The following AFTPH variants were observed in gnomAD, a reference collection of about 807,000 sequenced individuals.
AFTPH encodes the protein aftiphilin.
Under a neutral mutation model 72.5 loss-of-function variants are expected in AFTPH, and 7 were observed. The observed-to-expected ratio is 0.10, with a 90% confidence interval of 0.05 to 0.18. The LOEUF is 0.18. Among genes scored for constraint, AFTPH ranks in the 10% least tolerant of loss-of-function variants. The probability of loss-of-function intolerance (pLI) is 1.00; values close to 1 mark genes in which losing one functional copy is unlikely to be tolerated. For synonymous variants in AFTPH, 337 were observed against 370.1 expected, an observed-to-expected ratio of 0.91 and a Z score of 1.03; for missense variants, 979 against 1,060.5, an observed-to-expected ratio of 0.92 and a Z score of 1.07.
Position 64,583,412 on chromosome 2 carries a change from GT to G in AFTPH, c.2456-2006del, listed in dbSNP as rs531379604. On this transcript the variant is annotated intron_variant, in intron 7 of 8. Transcript: ENST00000238856. ...AAATCTAATCATAGTTTTGGGGGGGGTTTTGGTGTGGTGGTAGTTATTTGGG... is the reference window on the plus strand; with the variant it reads ...AAATCTAATCATAGTTTTGGGGGGGGTTTGGTGTGGTGGTAGTTATTTGGG... Among the ~76,000 whole-genome samples, 449 of 143,182 alleles carry G rather than the reference GT, an allele frequency of 3.1e-3. 1 individual carries two copies. The highest frequency in any genetic ancestry group is 5.3e-3 in the Non-Finnish European group (348 of 66,082). The allele number at this position is 143,182 out of a possible 152,430, so 93.9% of individuals were successfully genotyped here.
exon 2 of AFTPH, chr2:64,553,330 A>G: frequency 6.2e-7 from 1 of 1,613,904 alleles, no homozygotes; most frequent in Non-Finnish European, 8.5e-7. Context: ...GGAACCCCCA[A>G]AACGCACAGT....
At chr2:64,529,708 C>G (rs1341450302) in intron 1 of AFTPH, among the ~76,000 whole-genome samples, 1 of 151,256 alleles carries the variant, frequency 6.6e-6, no homozygotes, top group African/African-American at 2.4e-5. Context: ...TGGCTCACTG[C>G]AGCACAGACC....
chr2:64,548,347 T>C (rs1369404961), intron 1 of AFTPH, among the ~76,000 whole-genome samples: 1 of 131,178 alleles, frequency 7.6e-6, no homozygotes, highest in Non-Finnish European at 1.6e-5. Context: ...GAGCCGAGAT[T>C]GCGCCACTGC....
chr2:64,545,570 TAAAAAAAAAAAAAAAAAAAAAAAAAAAAA>T (rs58124855), intron 1 of AFTPH, among the ~76,000 whole-genome samples: 4 of 24,198 alleles, frequency 1.7e-4, no homozygotes, highest in Middle Eastern at 0.056. Context: ...CCACCAGCAG[TAAAAAAAAAAAAAAAAAAAAAAAAAAAAA>T]AAAAAAAAAA....
exon 1 of AFTPH, chr2:64,524,371 C>T (rs1317402975): frequency 9.9e-6 from 4 of 402,410 alleles, no homozygotes; most frequent in Admixed American, 4.4e-5. Flanking sequence ...GGGGTCTCCG[C>T]GGAGGAGGTG....
exon 2 of AFTPH, chr2:64,552,990 A>C (rs747167210): frequency 1.2e-6 from 2 of 1,614,058 alleles, no homozygotes; most frequent in African/African-American, 2.7e-5. Flanking sequence ...GACTTCTGAT[A>C]ATTTATCAGA....
rs750320922 is a variant in AFTPH at position 64,591,969 on chromosome 2, C to G, written c.2664C>G (p.Ala888=). 3.1e-6 allele frequency: 5 copies of G among 1,613,794 alleles called. No individual in the cohort carries two copies. In the Admixed American group the frequency reaches 5.0e-5, roughly 16 times the overall value. The change falls in exon 9 of 9, where the codon GCC becomes GCG. Residue 888 remains alanine (A), a synonymous_variant. Coordinates refer to ENST00000238856, the Ensembl canonical transcript of AFTPH. The stretch of plus-strand genomic sequence containing the variant: ...TTCCTGACTTAACATTCATGCATGC[C>G]AAGGTGTTGATGTTCCCAGCCACGT...
intron 2 of AFTPH, among the ~76,000 whole-genome samples, chr2:64,561,641 T>A (rs1485380824): frequency 6.6e-6 from 1 of 152,158 alleles, no homozygotes; most frequent in Non-Finnish European, 1.5e-5. Flanking sequence ...ATGGCACCAC[T>A]GCGCTGAAGC....
chr2:64,530,154 TCAA>T (rs1669543056), intron 1 of AFTPH, among the ~76,000 whole-genome samples: 1 of 152,234 alleles, frequency 6.6e-6, no homozygotes, highest in African/African-American at 2.4e-5. Flanking sequence ...AGGCTCCGTC[TCAA>T]CAACAACAAA....
chr2:64,529,660 C>T (rs1487316806), intron 1 of AFTPH, among the ~76,000 whole-genome samples: 5 of 148,740 alleles, frequency 3.4e-5, no homozygotes. Context: ...GACAGAGTCT[C>T]ACTGTGTCAC....
Position 64,571,397 on chromosome 2 carries a change from A to C in AFTPH, c.2272-1549A>C, listed in dbSNP as rs188554888. 5.9e-5 allele frequency among the ~76,000 whole-genome samples: 9 copies of C among 152,322 alleles called. No individual in the cohort carries two copies. In the East Asian group the frequency reaches 7.7e-4, roughly 13 times the overall value. ...GAACCACTGCTTAAAGTGATCGTTC[A>C]AATTAACAAACTTGGCTGAAACTAG... On this transcript the variant is annotated intron_variant, in intron 5 of 8. Transcript: ENST00000238856.
chr2:64,576,521 GTT>G (rs1400461209), intron 6 of AFTPH, among the ~76,000 whole-genome samples: 1 of 152,098 alleles, frequency 6.6e-6, no homozygotes, highest in East Asian at 1.9e-4. Context: ...TTGTGTGTGT[GTT>G]TTCATTTTTA....
chr2:64,590,995 C>G (rs1673793995), intron 8 of AFTPH, among the ~76,000 whole-genome samples: 1 of 152,212 alleles, frequency 6.6e-6, no homozygotes. Context: ...TAATGAACAA[C>G]TTGAAATGAT....
At chr2:64,568,051 A>G (rs1672195505) in intron 3 of AFTPH, among the ~76,000 whole-genome samples, 1 of 152,164 alleles carries the variant, frequency 6.6e-6, no homozygotes, top group Admixed American at 6.5e-5. Context: ...CAAAAAAAAA[A>G]AAATTAAGGC....
intron 1 of AFTPH, among the ~76,000 whole-genome samples, chr2:64,526,407 C>A (rs1014933418): frequency 6.6e-6 from 1 of 152,150 alleles, no homozygotes; most frequent in African/African-American, 2.4e-5. Context: ...TCTCTCCCAA[C>A]CCTTCCCCCA....
At chr2:64,591,595 C>G (rs1673828001) in intron 8 of AFTPH, among the ~76,000 whole-genome samples, 2 of 152,072 alleles carry the variant, frequency 1.3e-5, no homozygotes, top group South Asian at 2.1e-4. Context: ...TGCTTCTAGC[C>G]TAATGTAAAG....
chr2:64,572,537 C>G (rs1320012268), intron 5 of AFTPH, among the ~76,000 whole-genome samples: 1 of 152,196 alleles, frequency 6.6e-6, no homozygotes, highest in Non-Finnish European at 1.5e-5. Flanking sequence ...TGTCTCCCCC[C>G]ACCCATCCCG....
intron 2 of AFTPH, among the ~76,000 whole-genome samples, chr2:64,562,528 C>A (rs191782481): frequency 4.4e-4 from 67 of 152,188 alleles, no homozygotes; most frequent in Middle Eastern, 6.8e-3. Context: ...ACTATACTTC[C>A]TGGGTAGGAA....
At chr2:64,547,476 C>T (rs1670723709) in intron 1 of AFTPH, among the ~76,000 whole-genome samples, 1 of 152,134 alleles carries the variant, frequency 6.6e-6, no homozygotes. Context: ...ATGTTGATCA[C>T]CTGATTAAGG....
Sources: allele counts gnomAD v4.1 joint callset (sites outside exome capture counted in the v4.1 genomes callset), GRCh38; gene constraint gnomAD v4.1.1; transcripts MANE v1.5; gene names NCBI Gene and HGNC (gene_info 2026-07-23, HGNC 2026-07-21).